TSPAN5: variants seen among roughly 807,000 people sequenced by gnomAD.
TSPAN5 encodes the protein tetraspanin 5.
In TSPAN5, 10 loss-of-function variants were observed where a neutral mutation model predicts 37.1. The ratio of observed to expected loss-of-function variants is 0.27; its 90% CI spans 0.17 to 0.46. The LOEUF (loss-of-function observed/expected upper bound fraction) is 0.46. TSPAN5 is among the 20% of genes least tolerant of loss of function. The pLI is 1.00. For missense variants in TSPAN5, 195 were observed against 326.6 expected, an observed-to-expected ratio of 0.60 and a Z score of 3.11; for synonymous variants, 110 against 118.9, an observed-to-expected ratio of 0.93 and a Z score of 0.48.
chr4:98,584,256 A>G (rs564960198), intron 1 of TSPAN5, among the ~76,000 whole-genome samples: 1 of 152,250 alleles, frequency 6.6e-6, no homozygotes, highest in South Asian at 2.1e-4. Flanking sequence ...TACTCTTACT[A>G]AAATAAGGAC....
chr4:98,571,083 T>C (rs1755108001), intron 1 of TSPAN5, among the ~76,000 whole-genome samples: 1 of 152,158 alleles, frequency 6.6e-6, no homozygotes, highest in Non-Finnish European at 1.5e-5. Context: ...ACTTGTCTAT[T>C]TTCCTCATTC....
chr4:98,574,607 C>T (rs1391189350), intron 1 of TSPAN5: 4 of 152,264 alleles, frequency 2.6e-5, no homozygotes, highest in African/African-American at 7.2e-5. Context: ...AGAATAGTAA[C>T]AGCAGCGTGA....
intron 1 of TSPAN5, among the ~76,000 whole-genome samples, chr4:98,544,351 C>T (rs922522224): frequency 2.0e-5 from 3 of 152,196 alleles, no homozygotes; most frequent in Admixed American, 1.3e-4. Context: ...ACTTCACCAT[C>T]TGGAGTCCCT....
chr4:98,534,422 T>G (rs11097620), intron 1 of TSPAN5, among the ~76,000 whole-genome samples: 83,767 of 151,932 alleles, frequency 0.55, 23,605 homozygotes, highest in African/African-American at 0.66. Context: ...TGCTGAGGAG[T>G]GTTTTACTTC....
At chr4:98,562,578 C>A (rs1754905437) in intron 1 of TSPAN5, among the ~76,000 whole-genome samples, 1 of 151,948 alleles carries the variant, frequency 6.6e-6, no homozygotes, top group African/African-American at 2.4e-5. Flanking sequence ...GGAGAACTGC[C>A]TGAACCTGGG....
At chr4:98,572,907 G>C (rs1755158135) in intron 1 of TSPAN5, among the ~76,000 whole-genome samples, 1 of 152,230 alleles carries the variant, frequency 6.6e-6, no homozygotes, top group South Asian at 2.1e-4. Flanking sequence ...CAATCACAGT[G>C]ATTTGTTTAA....
intron 1 of TSPAN5, among the ~76,000 whole-genome samples, chr4:98,623,981 T>G (rs1756536095): frequency 6.6e-6 from 1 of 152,222 alleles, no homozygotes; most frequent in Non-Finnish European, 1.5e-5. Flanking sequence ...ATATGATTGA[T>G]GTTAGGACCC....
chr4:98,603,681 C>T (rs767425796), intron 1 of TSPAN5, among the ~76,000 whole-genome samples: 1 of 152,152 alleles, frequency 6.6e-6, no homozygotes, highest in Non-Finnish European at 1.5e-5. Context: ...CACACACACT[C>T]AAGTGGATCA....
At chr4:98,557,315 GAC>G (rs1302096981) in intron 1 of TSPAN5, among the ~76,000 whole-genome samples, 6 of 152,154 alleles carry the variant, frequency 3.9e-5, no homozygotes, top group Non-Finnish European at 8.8e-5. Flanking sequence ...ATTAAATCAT[GAC>G]ACAGAAAAAG....
chr4:98,486,764 G>C lies in TSPAN5; in HGVS notation c.253C>G (p.Arg85Gly), dbSNP rs1560508513. Residue 85 changes from arginine to glycine, a missense_variant, in exon 3 of 8, where the codon CGG (arginine) becomes GGG (glycine). Arg to Gly is a moderately radical substitution (Grantham distance 125, BLOSUM62 -2). Transcript: ENST00000305798. ...LGFAGCIGAL[R>G]ENTFLLKFFS... ...AACTTGAGAAGGAAAGTGTTTTCCCGTAGCGCTCCAATGCACCCTGCAAAT... is the reference window on the plus strand; with the variant it reads ...AACTTGAGAAGGAAAGTGTTTTCCCCTAGCGCTCCAATGCACCCTGCAAAT... The C allele has an allele frequency of 6.2e-7, 1 of 1,614,000 alleles. No individual in the cohort carries two copies. Among genetic ancestry groups the C allele is most frequent in the Non-Finnish European group, 8.5e-7 (1 of 1,180,002 alleles).
At chr4:98,518,009 A>C (rs1753772259) in intron 1 of TSPAN5, among the ~76,000 whole-genome samples, 1 of 152,210 alleles carries the variant, frequency 6.6e-6, no homozygotes, top group Non-Finnish European at 1.5e-5. Flanking sequence ...TGCATTAGAC[A>C]GCTGAGTTAT....
chr4:98,535,171 G>A (rs1413054905), intron 1 of TSPAN5, among the ~76,000 whole-genome samples: 2 of 152,120 alleles, frequency 1.3e-5, no homozygotes, highest in African/African-American at 4.8e-5. Context: ...GGCTGGTACC[G>A]GCTGTTCCTG....
chr4:98,502,505 G>T (rs1363101242), intron 2 of TSPAN5, among the ~76,000 whole-genome samples: 1 of 152,162 alleles, frequency 6.6e-6, no homozygotes, highest in Admixed American at 6.5e-5. Context: ...GAATTGAGGA[G>T]TGATGTATTA....
chr4:98,622,342 G>T (rs1756499779), intron 1 of TSPAN5, among the ~76,000 whole-genome samples: 1 of 152,208 alleles, frequency 6.6e-6, no homozygotes, highest in Non-Finnish European at 1.5e-5. Flanking sequence ...TCCCCAAAGT[G>T]CTGGGATTAC....
In TSPAN5 at chr4:98,486,748, AG is replaced by A; in HGVS notation, c.268del (p.Leu90PhefsTer22). On this transcript the variant is annotated frameshift_variant, in exon 3 of 8. Coordinates refer to ENST00000305798, the MANE Select transcript of TSPAN5 (RefSeq NM_005723.4). LOFTEE classifies it high-confidence loss of function. The stretch of plus-strand genomic sequence containing the variant: ...GAGTGGAATACTTACAAACTTGAGA[AG>A]GAAAGTGTTTTCCCGTAGCGCTCCA... ...CIGALRENTF[L>X]LKFFSVFLGI... 1 of 1,614,108 alleles carries A rather than the reference AG, an allele frequency of 6.2e-7. No individual in the cohort carries two copies.
chr4:98,615,501 A>T (rs563792786), intron 1 of TSPAN5, among the ~76,000 whole-genome samples: 1 of 152,318 alleles, frequency 6.6e-6, no homozygotes, highest in African/African-American at 2.4e-5. Flanking sequence ...GCTTTTAGGG[A>T]AAAGAAAAAA....
intron 2 of TSPAN5, 46 bp downstream of exon 2, chr4:98,507,632 G>GTATTAT: frequency 6.9e-7 from 1 of 1,448,704 alleles, no homozygotes; most frequent in South Asian, 1.2e-5. Flanking sequence ...ATGATGTGCA[G>GTATTAT]CCTCTAACAA....
intron 2 of TSPAN5, among the ~76,000 whole-genome samples, chr4:98,489,709 G>A (rs1357585221): frequency 6.6e-6 from 1 of 151,926 alleles, no homozygotes; most frequent in East Asian, 1.9e-4. Context: ...CTAGAGGCTC[G>A]CCATTGTTCC....
chr4:98,531,953 T>A (rs1360473997), intron 1 of TSPAN5, among the ~76,000 whole-genome samples: 1 of 152,230 alleles, frequency 6.6e-6, no homozygotes, highest in African/African-American at 2.4e-5. Context: ...AGATTCTGGA[T>A]GTTAGCCCTT....
Sources: allele counts gnomAD v4.1 joint callset (sites outside exome capture counted in the v4.1 genomes callset), GRCh38; gene constraint gnomAD v4.1.1; transcripts MANE v1.5; gene names NCBI Gene and HGNC (gene_info 2026-07-23, HGNC 2026-07-21).